Variants in CACNA2D3 observed in about 807,000 individuals in gnomAD.
The protein encoded by CACNA2D3 is voltage-dependent calcium channel subunit alpha-2/delta-3.
CACNA2D3 carries 60 observed loss-of-function variants against 160.6 expected under a neutral mutation model. That is an observed-to-expected ratio of 0.37 (90% confidence interval 0.30 to 0.46). CACNA2D3 has a LOEUF of 0.46. Ranked by LOEUF, CACNA2D3 falls within the 20% of genes least tolerant of loss-of-function variation. The pLI is 1.00. For synonymous variants in CACNA2D3, 558 were observed against 492.9 expected, an observed-to-expected ratio of 1.13 and a Z score of -1.75; for missense variants, 1,205 against 1,365.0, an observed-to-expected ratio of 0.88 and a Z score of 1.85.
At chr3:55,026,980 C>T (rs77987967) in intron 35 of CACNA2D3, among the ~76,000 whole-genome samples, 1,768 of 150,352 alleles carry the variant, frequency 0.012, 36 homozygotes, top group African/African-American at 0.041. Flanking sequence ...CACCGCTAAG[C>T]GCGCATGCAC....
intron 12 of CACNA2D3, among the ~76,000 whole-genome samples, chr3:54,763,975 A>G (rs1702170036): frequency 6.7e-6 from 1 of 148,758 alleles, no homozygotes; most frequent in Non-Finnish European, 1.5e-5. Flanking sequence ...AGATGAGTTT[A>G]TGGTTGATTT....
intron 9 of CACNA2D3, among the ~76,000 whole-genome samples, chr3:54,623,507 T>G (rs955471224): frequency 2.0e-5 from 3 of 152,136 alleles, no homozygotes; most frequent in Non-Finnish European, 2.9e-5. Flanking sequence ...ATATGAATTA[T>G]GGGTTGGTGG....
chr3:54,465,861 A>C (rs1265223657), intron 4 of CACNA2D3, among the ~76,000 whole-genome samples: 3 of 152,182 alleles, frequency 2.0e-5, no homozygotes, highest in Non-Finnish European at 1.5e-5. Context: ...CACAAGGCTG[A>C]AGGTAAGGTG....
intron 2 of CACNA2D3, among the ~76,000 whole-genome samples, chr3:54,200,908 AT>A (rs1316228144): frequency 1.3e-5 from 2 of 152,278 alleles, no homozygotes; most frequent in Middle Eastern, 3.4e-3. Flanking sequence ...ATATTTCTTT[AT>A]GGTTCAAAAT....
At chr3:54,958,935 CT>C in intron 27 of CACNA2D3, among the ~76,000 whole-genome samples, 1 of 152,088 alleles carries the variant, frequency 6.6e-6, no homozygotes, top group East Asian at 1.9e-4. Flanking sequence ...AAAACCCTGT[CT>C]CTACAAAAAA....
chr3:54,675,498 G>A (rs1353588057), intron 11 of CACNA2D3, among the ~76,000 whole-genome samples: 1 of 152,102 alleles, frequency 6.6e-6, no homozygotes, highest in Non-Finnish European at 1.5e-5. Context: ...CTGGCCCCTG[G>A]GGAAAGGTGG....
chr3:54,641,151 T>C (rs964918050), intron 10 of CACNA2D3, among the ~76,000 whole-genome samples: 1 of 152,168 alleles, frequency 6.6e-6, no homozygotes. Context: ...TGAGAGCATA[T>C]GCCTAAGTTG....
intron 4 of CACNA2D3, among the ~76,000 whole-genome samples, chr3:54,400,190 C>A (rs985222437): frequency 3.4e-5 from 5 of 147,618 alleles, no homozygotes; most frequent in Admixed American, 3.4e-4. Flanking sequence ...CTGGCCTGCG[C>A]CCACTGTCTG....
At chr3:54,169,584 T>C (rs1176685672) in intron 2 of CACNA2D3, among the ~76,000 whole-genome samples, 1 of 152,132 alleles carries the variant, frequency 6.6e-6, no homozygotes, top group Admixed American at 6.6e-5. Flanking sequence ...TAAATAAAAA[T>C]TAAATGGTGA....
chr3:54,160,781 G>A (rs1482003526), intron 2 of CACNA2D3, among the ~76,000 whole-genome samples: 1 of 152,162 alleles, frequency 6.6e-6, no homozygotes, highest in African/African-American at 2.4e-5. Context: ...TCTTTGAATG[G>A]AAGACACTCA....
At chr3:54,810,650 A>G (rs1390368868) in intron 13 of CACNA2D3, among the ~76,000 whole-genome samples, 1 of 152,192 alleles carries the variant, frequency 6.6e-6, no homozygotes, top group Non-Finnish European at 1.5e-5. Context: ...GTTGGCAGGA[A>G]AATACTTTGT....
chr3:54,287,323 C>G, intron 2 of CACNA2D3, among the ~76,000 whole-genome samples: 1 of 152,058 alleles, frequency 6.6e-6, no homozygotes, highest in East Asian at 1.9e-4. Context: ...TCAAAAGAGA[C>G]AAAGAAGGCC....
At position 54,983,845 on chromosome 3, in the gene CACNA2D3, C is replaced by T. The variant is rs558504691; in HGVS notation, c.2557-763C>T. Among the ~76,000 whole-genome samples, 10 of 152,246 alleles carry T rather than the reference C, an allele frequency of 6.6e-5. No homozygotes were observed. In the South Asian group the frequency reaches 1.0e-3, roughly 16 times the overall value. On this transcript the variant is annotated intron_variant, in intron 29 of 37. Coordinates refer to ENST00000474759, the MANE Select transcript of CACNA2D3 (RefSeq NM_018398.3). ...AATAGAAACTGAGTTACATCAAGGACGGAATTAAACCTTAAGTTTAAACTC... is the reference window on the plus strand; with the variant it reads ...AATAGAAACTGAGTTACATCAAGGATGGAATTAAACCTTAAGTTTAAACTC...
In CACNA2D3 at chr3:54,821,697, T is replaced by TTTCTTTCTTTCC. The variant is rs753240626; in HGVS notation, c.1398+4830_1398+4831insTTTCTTTCCTTC. On this transcript the variant is annotated intron_variant, in intron 14 of 37. Coordinates refer to ENST00000474759, the MANE Select transcript of CACNA2D3 (RefSeq NM_018398.3). The stretch of plus-strand genomic sequence containing the variant: ...CTTTCTTTCTTTCTTTCTTTCTTTC[T>TTTCTTTCTTTCC]TTCCTTCCTTCCTTCTTTCCTCTCT... Among the ~76,000 whole-genome samples, 444 of 84,044 alleles carry TTTCTTTCTTTCC rather than the reference T, an allele frequency of 5.3e-3. 7 individuals carry two copies. Among genetic ancestry groups the TTTCTTTCTTTCC allele is most frequent in the Non-Finnish European group, 6.0e-3 (253 of 42,268 alleles). 55.1% of individuals were successfully genotyped at this position (84,044 alleles called of 152,430 possible).
chr3:54,400,615 C>T (rs573668941), intron 4 of CACNA2D3, among the ~76,000 whole-genome samples: 22 of 152,296 alleles, frequency 1.4e-4, no homozygotes, highest in Admixed American at 9.2e-4. Flanking sequence ...GTCTACCAGA[C>T]ACCCACAGTC....
intron 11 of CACNA2D3, among the ~76,000 whole-genome samples, chr3:54,654,746 T>C (rs573474336): frequency 6.6e-6 from 1 of 152,130 alleles, no homozygotes; most frequent in Non-Finnish European, 1.5e-5. Flanking sequence ...CTGAAGGAGA[T>C]GCAATGAGAC....
intron 11 of CACNA2D3, among the ~76,000 whole-genome samples, chr3:54,744,360 G>A (rs1012410843): frequency 6.6e-6 from 1 of 152,204 alleles, no homozygotes; most frequent in Non-Finnish European, 1.5e-5. Flanking sequence ...GGAGCCAGAT[G>A]TTCTTAGACA....
chr3:54,277,100 T>G (rs1034754522), intron 2 of CACNA2D3, among the ~76,000 whole-genome samples: 7 of 152,358 alleles, frequency 4.6e-5, no homozygotes, highest in Admixed American at 3.9e-4. Flanking sequence ...CATCCTGTCC[T>G]TCAGGCCTGG....
Position 54,850,856 on chromosome 3 carries a change from A to T in CACNA2D3, c.1626+4389A>T, listed in dbSNP as rs568267799. ...TGTAGGGTTTTCATTCTGGATGAAA[A>T]TCTGCCAGTCACATGGGTCACATAT... On this transcript the variant is annotated intron_variant, in intron 17 of 37. Transcript: ENST00000474759. Among the ~76,000 whole-genome samples the T allele has an allele frequency of 5.9e-5, 9 of 152,344 alleles. No individual in the cohort carries two copies. In the South Asian group the frequency reaches 1.9e-3, roughly 32 times the overall value.
Sources: gnomAD v4.1 joint callset for allele counts (sites outside exome capture counted in the v4.1 genomes callset) on GRCh38, gnomAD v4.1.1 for gene constraint, MANE v1.5 for transcripts, NCBI Gene and HGNC (gene_info 2026-07-23, HGNC 2026-07-21) for gene names.